RABEP1: variants seen among roughly 807,000 people sequenced by gnomAD.
RABEP1 encodes the protein rab GTPase-binding effector protein 1.
In RABEP1, 51 loss-of-function variants were observed where a neutral mutation model predicts 123.4. The ratio of observed to expected loss-of-function variants is 0.41; its 90% confidence interval spans 0.33 to 0.52. The LOEUF (loss-of-function observed/expected upper bound fraction) is 0.52. Ranked by LOEUF, RABEP1 falls within the 20% of genes least tolerant of loss-of-function variation. The pLI is 0.16. For missense variants in RABEP1, 888 were observed against 996.3 expected, an observed-to-expected ratio of 0.89 and a Z score of 1.46; for synonymous variants, 347 against 355.2, an observed-to-expected ratio of 0.98 and a Z score of 0.26.
chr17:5,356,841 A>G (rs2144662742), intron 8 of RABEP1, among the ~76,000 whole-genome samples: 1 of 150,550 alleles, frequency 6.6e-6, no homozygotes, highest in East Asian at 2.0e-4. Flanking sequence ...CGGTGTTTCA[A>G]CATGTTGCCC....
At chr17:5,381,302 C>T in intron 16 of RABEP1, 87 bp from the exon 17 acceptor site, 1 of 1,545,754 alleles carries the variant, frequency 6.5e-7, no homozygotes, top group Non-Finnish European at 8.7e-7. Flanking sequence ...CCTTTCTGCC[C>T]TAGTAGTAGG....
Position 5,383,002 on chromosome 17 carries a change from T to C in RABEP1, c.2488-120T>C, listed in dbSNP as rs1171087954. The C allele has an allele frequency of 2.7e-5, 20 of 737,116 alleles. No individual in the cohort carries two copies. In the East Asian group the frequency reaches 4.8e-4, roughly 18 times the overall value. The allele number at this position is 737,116 out of a possible 1,614,324, so 45.7% of individuals were successfully genotyped here. The stretch of plus-strand genomic sequence containing the variant: ...TTAAAATTTTTAATTGTTCTTGCTG[T>C]CTCCCTTTGAAGTGACTAGTACTCT... On this transcript the variant is annotated intron_variant, in intron 17 of 17. Coordinates refer to ENST00000537505, the MANE Select transcript of RABEP1 (RefSeq NM_004703.6).
At chr17:5,369,401 T>C (rs1267709537) in intron 12 of RABEP1, among the ~76,000 whole-genome samples, 6 of 152,166 alleles carry the variant, frequency 3.9e-5, no homozygotes, top group Non-Finnish European at 8.8e-5. Context: ...TCTACAAGGC[T>C]GATGCTTACC....
At chr17:5,291,485 A>G (rs2075033398) in intron 1 of RABEP1, among the ~76,000 whole-genome samples, 1 of 152,250 alleles carries the variant, frequency 6.6e-6, no homozygotes, top group African/African-American at 2.4e-5. Flanking sequence ...TAATTTTTAT[A>G]TCTACAAATA....
chr17:5,320,421 C>CA (rs60202531), intron 2 of RABEP1, among the ~76,000 whole-genome samples: 22,067 of 83,138 alleles, frequency 0.27, 2,217 homozygotes, highest in Non-Finnish European at 0.35. Flanking sequence ...GCTAACACAC[C>CA]AAAAAAAAAA....
intron 3 of RABEP1, among the ~76,000 whole-genome samples, chr17:5,332,804 C>T (rs773299643): frequency 1.2e-4 from 18 of 151,998 alleles, no homozygotes; most frequent in South Asian, 2.1e-4. Context: ...GACGGGATTT[C>T]GCCATGTTGG....
At chr17:5,293,298 A>G (rs2075050257) in intron 1 of RABEP1, among the ~76,000 whole-genome samples, 1 of 152,092 alleles carries the variant, frequency 6.6e-6, no homozygotes, top group African/African-American at 2.4e-5. Context: ...CCCCCTCAAA[A>G]AAAAAAATCT....
chr17:5,307,879 A>G (rs1441688878), intron 1 of RABEP1, among the ~76,000 whole-genome samples: 2 of 152,164 alleles, frequency 1.3e-5, no homozygotes, highest in East Asian at 3.8e-4. Flanking sequence ...CCTCTCTATG[A>G]ATGGGTTTTT....
intron 2 of RABEP1, among the ~76,000 whole-genome samples, chr17:5,327,203 C>A (rs1393426277): frequency 1.3e-5 from 2 of 152,078 alleles, no homozygotes; most frequent in East Asian, 3.9e-4. Flanking sequence ...CAAAAATTAG[C>A]AGGGTGTGGT....
At chr17:5,354,557 C>T (rs1908854650) in intron 8 of RABEP1, 67 bp downstream of exon 8, 2 of 1,410,158 alleles carry the variant, frequency 1.4e-6, no homozygotes, top group Non-Finnish European at 1.9e-6. Context: ...ACTCATACAT[C>T]AGTTAATTAC....
rs570611331 is a variant in RABEP1, at chr17:5,353,249, C to G, written c.964-1110C>G. 2.0e-5 allele frequency among the ~76,000 whole-genome samples: 3 copies of G among 152,316 alleles called. No individual in the cohort carries two copies. The East Asian group carries it at 5.8e-4, about 29-fold the overall frequency. ...CTTTCTCCCTGGAACCCTTAATTGT[C>G]TCTTCTCATGCAACTGGCAAACTTA... is the stretch of plus-strand genomic sequence containing the variant. On this transcript the variant is annotated intron_variant, in intron 7 of 17. Transcript: ENST00000537505.
intron 1 of RABEP1, among the ~76,000 whole-genome samples, chr17:5,300,584 C>T (rs1421758374): frequency 1.3e-5 from 2 of 152,172 alleles, no homozygotes; most frequent in East Asian, 3.9e-4. Context: ...CCCCCATCCC[C>T]GTATGATGTT....
chr17:5,380,478 G>A lies in RABEP1; in HGVS notation c.2370+16G>A. On this transcript the variant is annotated intron_variant, in intron 16 of 17. Coordinates refer to ENST00000537505, the MANE Select transcript of RABEP1 (RefSeq NM_004703.6). ...TGCTGCTAAGGTAGTGTTTTCATTAGTCATTTAATTTTAAAAAGCAGGGCT... is the reference window on the plus strand; with the variant it reads ...TGCTGCTAAGGTAGTGTTTTCATTAATCATTTAATTTTAAAAAGCAGGGCT... 3 of 1,495,616 alleles carry A rather than the reference G, an allele frequency of 2.0e-6. No individual in the cohort carries two copies. The highest frequency in any genetic ancestry group is 2.7e-6 in the Non-Finnish European group (3 of 1,096,864). The allele number at this position is 1,495,616 out of a possible 1,614,324, so 92.6% of individuals were successfully genotyped here. A position where few individuals can be genotyped will look rare whatever the true frequency, so the allele number is the denominator to read the frequency against.
chr17:5,340,809 G>T (rs1907533468), intron 5 of RABEP1, among the ~76,000 whole-genome samples: 1 of 151,812 alleles, frequency 6.6e-6, no homozygotes, highest in South Asian at 2.1e-4. Context: ...TTAGCTGGGC[G>T]TGGTGGCGGG....
intron 5 of RABEP1, among the ~76,000 whole-genome samples, chr17:5,344,568 G>A (rs1037692343): frequency 6.6e-6 from 1 of 151,438 alleles, no homozygotes; most frequent in African/African-American, 2.4e-5. Context: ...GTCAGGAGAT[G>A]GAGACCATCC....
At chr17:5,309,249 T>C (rs1482678588) in intron 2 of RABEP1, among the ~76,000 whole-genome samples, 8 of 152,234 alleles carry the variant, frequency 5.3e-5, no homozygotes, top group African/African-American at 1.9e-4. Context: ...GCAGACATTA[T>C]ACTTGTGTTG....
At chr17:5,375,816 CTG>C (rs1597297559) in intron 13 of RABEP1, among the ~76,000 whole-genome samples, 1 of 152,222 alleles carries the variant, frequency 6.6e-6, no homozygotes, top group East Asian at 1.9e-4. Context: ...GGAAAGAATC[CTG>C]TCTTCCATGT....
intron 2 of RABEP1, among the ~76,000 whole-genome samples, chr17:5,311,775 T>C (rs1407275447): frequency 6.6e-6 from 1 of 150,988 alleles, no homozygotes; most frequent in Non-Finnish European, 1.5e-5. Context: ...TCTTTTGAGA[T>C]ATATTGGTTC....
chr17:5,351,769 T>G (rs1368502833), intron 7 of RABEP1, among the ~76,000 whole-genome samples: 1 of 152,164 alleles, frequency 6.6e-6, no homozygotes, highest in Non-Finnish European at 1.5e-5. Context: ...CCACTGCACT[T>G]CAGCTGTGGG....
Sources: allele counts gnomAD v4.1 joint callset (sites outside exome capture counted in the v4.1 genomes callset), GRCh38; gene constraint gnomAD v4.1.1; transcripts MANE v1.5; gene names NCBI Gene and HGNC (gene_info 2026-07-23, HGNC 2026-07-21).